The following GNA14 variants were observed in gnomAD, a reference collection of about 807,000 sequenced individuals.
GNA14 encodes G protein subunit alpha 14, also known as guanine nucleotide-binding protein subunit alpha-14.
GNA14 carries 50 observed loss-of-function variants against 42.0 expected under a neutral mutation model. The ratio of observed to expected loss-of-function variants is 1.19; its 90% CI spans 0.95 to 1.51. GNA14 has a LOEUF of 1.51. Ranked by LOEUF, GNA14 falls within the 40% of genes most tolerant of loss-of-function variation. GNA14 has a pLI of 0.00. For synonymous variants in GNA14, 173 were observed against 163.1 expected, an observed-to-expected ratio of 1.06 and a Z score of -0.46; for missense variants, 473 against 446.2, an observed-to-expected ratio of 1.06 and a Z score of -0.54.
intron 1 of GNA14, among the ~76,000 whole-genome samples, chr9:77,530,837 T>A (rs4745642): frequency 3.9e-5 from 6 of 152,034 alleles, no homozygotes; most frequent in South Asian, 2.1e-4. Flanking sequence ...TGTTTCAGCC[T>A]CCAGAGACAG....
At chr9:77,546,390 T>G (rs1259405787) in intron 1 of GNA14, among the ~76,000 whole-genome samples, 1 of 152,136 alleles carries the variant, frequency 6.6e-6, no homozygotes, top group Non-Finnish European at 1.5e-5. Flanking sequence ...AATAAGTTTG[T>G]GCCTACTCAA....
At chr9:77,440,916 A>G (rs888974818) in intron 2 of GNA14, among the ~76,000 whole-genome samples, 3 of 152,062 alleles carry the variant, frequency 2.0e-5, no homozygotes, top group Non-Finnish European at 2.9e-5. Flanking sequence ...GGGTTTCACT[A>G]TGTTGGCCAG....
At chr9:77,556,299 G>C (rs114018133) in intron 1 of GNA14, among the ~76,000 whole-genome samples, 156 of 152,206 alleles carry the variant, frequency 1.0e-3, no homozygotes, top group African/African-American at 3.3e-3. Context: ...ATCTACAAAA[G>C]ATATGGAGAG....
intron 2 of GNA14, among the ~76,000 whole-genome samples, chr9:77,521,555 C>T (rs1193395315): frequency 6.6e-6 from 1 of 152,134 alleles, no homozygotes; most frequent in Non-Finnish European, 1.5e-5. Context: ...GGAAATTCAG[C>T]CTTCCACTTT....
At chr9:77,528,885 G>C (rs993779309) in intron 2 of GNA14, among the ~76,000 whole-genome samples, 184 bp downstream of exon 2, 1 of 152,118 alleles carries the variant, frequency 6.6e-6, no homozygotes, top group Non-Finnish European at 1.5e-5. Context: ...CACCATGAGA[G>C]AAGTCCTGCA....
At chr9:77,597,226 C>T (rs1174344161) in intron 1 of GNA14, among the ~76,000 whole-genome samples, 1 of 152,216 alleles carries the variant, frequency 6.6e-6, no homozygotes, top group East Asian at 1.9e-4. Context: ...CAACAAACAA[C>T]ATTCCTCAGG....
At chr9:77,564,895 C>T (rs1263906766) in intron 1 of GNA14, among the ~76,000 whole-genome samples, 2 of 152,066 alleles carry the variant, frequency 1.3e-5, no homozygotes, top group Admixed American at 6.6e-5. Flanking sequence ...GCCCTGCTTC[C>T]AGTCCAGGGG....
chr9:77,642,750 C>G (rs1269893061), intron 1 of GNA14, among the ~76,000 whole-genome samples: 1 of 152,196 alleles, frequency 6.6e-6, no homozygotes, highest in Non-Finnish European at 1.5e-5. Context: ...GCCTGAGCAA[C>G]AGAGCATGAC....
intron 2 of GNA14, among the ~76,000 whole-genome samples, chr9:77,479,856 G>A (rs537834138): frequency 1.3e-5 from 2 of 152,098 alleles, no homozygotes; most frequent in South Asian, 2.1e-4. Context: ...CTGTTTGTCT[G>A]TTATTGGTGT....
intron 1 of GNA14, among the ~76,000 whole-genome samples, chr9:77,645,616 A>T (rs1205084286): frequency 6.6e-6 from 1 of 152,174 alleles, no homozygotes; most frequent in African/African-American, 2.4e-5. Flanking sequence ...TGGGAAGATA[A>T]AGAAGACCCT....
In GNA14 at chr9:77,476,830, G is replaced by C. The variant is rs114306466; in HGVS notation, c.310-42308C>G. ...TTGGGGAGAAACCCAAAAGAAGTCA[G>C]TGGGTTCATACCTGGGAACATTTCA... On this transcript the variant is annotated intron_variant, in intron 2 of 6. Coordinates refer to ENST00000341700, the MANE Select transcript of GNA14 (RefSeq NM_004297.4). Among the ~76,000 whole-genome samples the C allele has an allele frequency of 9.7e-3, 1,480 of 152,296 alleles. 11 individuals are homozygous for C. The highest frequency in any genetic ancestry group is 0.02 in the South Asian group (96 of 4,828).
chr9:77,583,971 G>T (rs1313371733), intron 1 of GNA14, among the ~76,000 whole-genome samples: 2 of 152,150 alleles, frequency 1.3e-5, no homozygotes, highest in African/African-American at 4.8e-5. Flanking sequence ...TGAATTTTAG[G>T]TTATATTTGT....
At chr9:77,573,284 A>C (rs1823086789) in intron 1 of GNA14, among the ~76,000 whole-genome samples, 1 of 151,960 alleles carries the variant, frequency 6.6e-6, no homozygotes, top group African/African-American at 2.4e-5. Context: ...CCCTGTCTCT[A>C]CTAAAAATAC....
intron 1 of GNA14, among the ~76,000 whole-genome samples, chr9:77,579,085 A>G (rs2117852361): frequency 6.6e-6 from 1 of 152,272 alleles, no homozygotes; most frequent in East Asian, 1.9e-4. Flanking sequence ...TGGGATGAGG[A>G]TGTCTCTACC....
intron 1 of GNA14, among the ~76,000 whole-genome samples, chr9:77,534,208 A>C (rs1375530455): frequency 2.0e-5 from 3 of 152,252 alleles, no homozygotes; most frequent in African/African-American, 7.2e-5. Context: ...AAAATAATAC[A>C]CATGAATTAT....
chr9:77,508,747 T>A (rs1273186966), intron 2 of GNA14, among the ~76,000 whole-genome samples: 1 of 152,170 alleles, frequency 6.6e-6, no homozygotes, highest in Non-Finnish European at 1.5e-5. Context: ...TGTCCAAGAC[T>A]GGGTCAGGGA....
chr9:77,450,953 C>A lies in GNA14; in HGVS notation c.310-16431G>T, dbSNP rs1168339641. ...TAAGACATGCCTTTGCTCCTTCTTC[C>A]CCTTCCACCATGATTGTGAGGCCTC... On this transcript the variant is annotated intron_variant, in intron 2 of 6. Transcript: ENST00000341700. Among the ~76,000 whole-genome samples, 4 of 152,174 alleles carry A rather than the reference C, an allele frequency of 2.6e-5. No individual in the cohort carries two copies. In the East Asian group the frequency reaches 7.7e-4, roughly 29 times the overall value.
intron 2 of GNA14, among the ~76,000 whole-genome samples, chr9:77,528,348 C>G (rs960622406): frequency 3.9e-5 from 6 of 152,072 alleles, no homozygotes; most frequent in Admixed American, 2.0e-4. Context: ...ACTCTTATTT[C>G]TAATCTAGTT....
chr9:77,600,613 T>G (rs1302651541), intron 1 of GNA14, among the ~76,000 whole-genome samples: 1 of 152,120 alleles, frequency 6.6e-6, no homozygotes, highest in Non-Finnish European at 1.5e-5. Context: ...AGATGAGGAA[T>G]GAGAGTGTGA....
Sources: gnomAD v4.1 joint callset for allele counts (sites outside exome capture counted in the v4.1 genomes callset) on GRCh38, gnomAD v4.1.1 for gene constraint, MANE v1.5 for transcripts, NCBI Gene and HGNC (gene_info 2026-07-23, HGNC 2026-07-21) for gene names.